The following STXBP3 variants were observed in gnomAD, a reference collection of about 807,000 sequenced individuals.
STXBP3 encodes the protein syntaxin binding protein 3, also known as syntaxin-binding protein 3.
In STXBP3, 41 loss-of-function variants were observed where a neutral mutation model predicts 85.7. That is an observed-to-expected ratio of 0.48 (90% CI 0.37 to 0.62). The LOEUF is 0.62. Among genes scored for constraint, STXBP3 ranks in the 20% least tolerant of loss-of-function variants. The probability of loss-of-function intolerance (pLI) is 0.00; values close to 1 mark genes in which losing one functional copy is unlikely to be tolerated. For synonymous variants in STXBP3, 229 were observed against 231.7 expected (o/e 0.99, Z 0.10); for missense variants, 563 against 703.1 (o/e 0.80, Z 2.25).
In STXBP3 at chr1:108,752,239, C is replaced by A; in HGVS notation, c.50-18C>A. 1 of 1,596,626 alleles carries A rather than the reference C, an allele frequency of 6.3e-7. No individual in the cohort carries two copies. Among genetic ancestry groups the A allele is most frequent in the South Asian group, 1.1e-5 (1 of 87,366 alleles). ...CTGTTTATTTAATTCCTAAGTAATTCCTTTCTTTTTTAAACAGAGATAAAA... is the reference window on the plus strand; with the variant it reads ...CTGTTTATTTAATTCCTAAGTAATTACTTTCTTTTTTAAACAGAGATAAAA... On this transcript the variant is annotated intron_variant, in intron 1 of 18. Transcript: ENST00000370008.
At chr1:108,752,882 A>G (rs1451627758) in intron 2 of STXBP3, among the ~76,000 whole-genome samples, 181 bp from the exon 3 acceptor site, 1 of 152,208 alleles carries the variant, frequency 6.6e-6, no homozygotes, top group Admixed American at 6.5e-5. Flanking sequence ...TATGTACGAT[A>G]CTATATGCAT....
chr1:108,808,830 A>G lies in STXBP3; in HGVS notation c.1732A>G (p.Met578Val), dbSNP rs1404785812. 1 of 1,613,424 alleles carries G rather than the reference A, an allele frequency of 6.2e-7. No individual in the cohort carries two copies. The highest frequency in any genetic ancestry group is 8.5e-7 in the Non-Finnish European group (1 of 1,179,772). ...CAAAAAGCTGTTGGATGATATAAAGATGCTGAATAAACCCAAGGATAAAGT... is the reference window on the plus strand; with the variant it reads ...CAAAAAGCTGTTGGATGATATAAAGGTGCTGAATAAACCCAAGGATAAAGT... ...TPKKLLDDIK[M>V]LNKPKDKVSL... Residue 578 changes from methionine (M) to valine (V), a missense_variant, in exon 19 of 19, where the codon ATG becomes GTG. Met to Val is a conservative substitution (Grantham distance 21, BLOSUM62 1). This residue lies in a region of STXBP3 where 494 missense variants were observed against 592.8 expected (regional missense o/e 0.83). Coordinates refer to ENST00000370008, the MANE Select transcript of STXBP3 (RefSeq NM_007269.4).
At chr1:108,748,386 G>A (rs1330551293) in intron 1 of STXBP3, among the ~76,000 whole-genome samples, 1 of 152,144 alleles carries the variant, frequency 6.6e-6, no homozygotes, top group African/African-American at 2.4e-5. Flanking sequence ...ACCATGTTTG[G>A]TGACATGCAC....
chr1:108,794,526 C>T (rs1663048572), intron 12 of STXBP3, among the ~76,000 whole-genome samples: 1 of 152,220 alleles, frequency 6.6e-6, no homozygotes, highest in Non-Finnish European at 1.5e-5. Context: ...ATTATGAGAA[C>T]AGCATGGGGA....
intron 17 of STXBP3, among the ~76,000 whole-genome samples, chr1:108,802,151 C>T (rs1370402070): frequency 6.6e-6 from 1 of 152,084 alleles, no homozygotes; most frequent in South Asian, 2.1e-4. Flanking sequence ...AATCCCAGCA[C>T]TTTGGGAGGC....
chr1:108,801,037 AG>A (rs1158962275), intron 17 of STXBP3, among the ~76,000 whole-genome samples: 2 of 151,974 alleles, frequency 1.3e-5, no homozygotes, highest in Non-Finnish European at 2.9e-5. Flanking sequence ...CATAAGTTGG[AG>A]GGTTTGACAT....
At chr1:108,807,737 T>C (rs1663373898) in intron 18 of STXBP3, among the ~76,000 whole-genome samples, 188 bp downstream of exon 18, 2 of 152,038 alleles carry the variant, frequency 1.3e-5, no homozygotes, top group South Asian at 2.1e-4. Flanking sequence ...CCACCACGCC[T>C]GGCTAATTTT....
intron 18 of STXBP3, among the ~76,000 whole-genome samples, chr1:108,808,384 A>G (rs576864868): frequency 2.0e-5 from 3 of 152,332 alleles, no homozygotes; most frequent in East Asian, 1.9e-4. Context: ...GTCAAAGCCA[A>G]TGATAGGTAA....
chr1:108,786,352 A>C (rs1470519790), intron 11 of STXBP3, among the ~76,000 whole-genome samples: 1 of 152,176 alleles, frequency 6.6e-6, no homozygotes, highest in African/African-American at 2.4e-5. Context: ...CCCATTATTC[A>C]GTTATCTCCA....
Position 108,771,794 on chromosome 1 carries a change from CTATA to C in STXBP3, c.439-865_439-862del, listed in dbSNP as rs368203542. Among the ~76,000 whole-genome samples the C allele has an allele frequency of 7.8e-5, 2 of 25,744 alleles. 1 individual carries two copies. The highest frequency in any genetic ancestry group is 3.5e-4 in the African/African-American group (2 of 5,698). 16.9% of individuals were successfully genotyped at this position (25,744 alleles called of 152,430 possible). A position where few individuals can be genotyped will look rare whatever the true frequency, so the allele number is the denominator to read the frequency against. On this transcript the variant is annotated intron_variant, in intron 6 of 18. Coordinates refer to ENST00000370008, the MANE Select transcript of STXBP3 (RefSeq NM_007269.4). Reference sequence around the variant, plus strand: ...TCATATATAAATATATGATATCTATCTATATATATCATATATAAATATATGATAT... The same window carrying C: ...TCATATATAAATATATGATATCTATCTATATCATATATAAATATATGATAT...
Position 108,779,331 on chromosome 1 carries a change from C to T in STXBP3, c.730C>T (p.Pro244Ser). The T allele has an allele frequency of 6.2e-7, 1 of 1,613,070 alleles. No individual in the cohort carries two copies. Among genetic ancestry groups the T allele is most frequent in the Non-Finnish European group, 8.5e-7 (1 of 1,179,372 alleles). ...QLLIIDRGFD[P>S]VSTVLHELTF... ...CTTAATAATTGATCGTGGCTTTGAT[C>T]CTGTGTCCACTGTCCTGCATGAACT... Residue 244 changes from proline (P) to serine (S), a missense_variant, in exon 9 of 19, where the codon CCT (proline) becomes TCT (serine). Physicochemically the swap from Pro to Ser is moderately conservative, Grantham distance 74. Coordinates refer to ENST00000370008, the MANE Select transcript of STXBP3 (RefSeq NM_007269.4).
At chr1:108,749,770 G>C (rs872338) in intron 1 of STXBP3, among the ~76,000 whole-genome samples, 109,313 of 152,010 alleles carry the variant, frequency 0.72, 40,268 homozygotes, top group Non-Finnish European at 0.78. Context: ...TTATTTTTTC[G>C]TCTGGCAGAC....
chr1:108,783,654 C>T (rs1234696056), intron 11 of STXBP3, among the ~76,000 whole-genome samples: 1 of 152,196 alleles, frequency 6.6e-6, no homozygotes, highest in South Asian at 2.1e-4. Context: ...GGTGGACATA[C>T]ACACTCTTTC....
At chr1:108,776,533 A>G in intron 8 of STXBP3, 110 bp downstream of exon 8, 4 of 683,366 alleles carry the variant, frequency 5.9e-6, no homozygotes, top group Non-Finnish European at 9.5e-6. Flanking sequence ...AGTCATTAAC[A>G]TAGATCTCCA....
chr1:108,770,366 G>A (rs910565901), intron 6 of STXBP3, among the ~76,000 whole-genome samples: 4 of 152,164 alleles, frequency 2.6e-5, no homozygotes, highest in Non-Finnish European at 5.9e-5. Flanking sequence ...GGAGGGAGAA[G>A]CCTTGGGCGG....
chr1:108,803,117 T>A, intron 17 of STXBP3, among the ~76,000 whole-genome samples: 1 of 152,342 alleles, frequency 6.6e-6, no homozygotes, highest in Admixed American at 6.5e-5. Flanking sequence ...TTTGTTTTAT[T>A]TTTTCCTTTT....
intron 5 of STXBP3, among the ~76,000 whole-genome samples, chr1:108,758,861 T>C: frequency 6.6e-6 from 1 of 152,218 alleles, no homozygotes; most frequent in East Asian, 1.9e-4. Context: ...TTTGCTGGGA[T>C]GCTGGGATGT....
intron 7 of STXBP3, 136 bp from the exon 8 acceptor site, chr1:108,776,197 T>G: frequency 2.0e-6 from 1 of 506,626 alleles, no homozygotes; most frequent in Non-Finnish European, 3.2e-6. Context: ...ATCTGAACTT[T>G]TACATGTTTA....
At chr1:108,791,950 G>T (rs773889227) in intron 11 of STXBP3, among the ~76,000 whole-genome samples, 1 of 152,138 alleles carries the variant, frequency 6.6e-6, no homozygotes, top group Non-Finnish European at 1.5e-5. Context: ...CATTCATGCT[G>T]CATGCAAGAG....
Sources: gnomAD v4.1 joint callset for allele counts (sites outside exome capture counted in the v4.1 genomes callset) on GRCh38, gnomAD v4.1.1 for gene constraint, gnomAD v4.1.1 regional missense constraint, MANE v1.5 for transcripts, NCBI Gene and HGNC (gene_info 2026-07-23, HGNC 2026-07-21) for gene names.